The following LRP4 variants were observed in gnomAD, a reference collection of about 807,000 sequenced individuals.
The protein encoded by LRP4 is LDL receptor related protein 4, also known as low-density lipoprotein receptor-related protein 4.
Under a neutral mutation model 220.3 loss-of-function variants are expected in LRP4, and 95 were observed. The ratio of observed to expected loss-of-function variants is 0.43; its 90% CI spans 0.37 to 0.51. The LOEUF (loss-of-function observed/expected upper bound fraction) is 0.51. Among genes scored for constraint, LRP4 ranks in the 20% least tolerant of loss-of-function variants. The pLI, the probability that LRP4 is intolerant of heterozygous loss-of-function variation, is 0.00. For synonymous variants in LRP4, 903 were observed against 954.6 expected (o/e 0.95, Z 1.00); for missense variants, 1,925 against 2,567.0 (o/e 0.75, Z 5.40).
Position 46,890,050 on chromosome 11 carries a change from G to A in LRP4, c.1986C>T (p.Ser662=). The change falls in exon 15 of 38, where the codon AGC becomes AGT. Residue 662 remains serine, a synonymous_variant. Coordinates refer to ENST00000378623, the MANE Select transcript of LRP4 (RefSeq NM_002334.4). This position sits in a 1 kb window ranked among gnomAD's most constrained non-coding sequence, Gnocchi z 5.3. ...CCGTAAATTTGTTAGCGCTATTGAT[G>A]CTCTTGGTGTGCCAGTCTGTCCAGT... is the stretch of plus-strand genomic sequence containing the variant. ...SLYWTDWHTK[S]INSANKFTGK... 6.2e-7 allele frequency: 1 copy of A among 1,614,152 alleles called. No homozygotes were observed. The highest frequency in any genetic ancestry group is 1.1e-5 in the South Asian group (1 of 91,074).
intron 34 of LRP4, among the ~76,000 whole-genome samples, chr11:46,867,183 G>T (rs989826662): frequency 2.0e-5 from 3 of 151,956 alleles, no homozygotes; most frequent in Non-Finnish European, 2.9e-5. Flanking sequence ...AGAACTGTTC[G>T]TGTTTATGCT....
chr11:46,859,778 T>G (rs908848998), intron 37 of LRP4, among the ~76,000 whole-genome samples: 8 of 152,220 alleles, frequency 5.3e-5, no homozygotes, highest in Admixed American at 2.6e-4. Context: ...TGTGGTTTAT[T>G]AATGGGACAT....
chr11:46,910,016 G>A (rs1164053618), intron 1 of LRP4, among the ~76,000 whole-genome samples: 1 of 152,052 alleles, frequency 6.6e-6, no homozygotes, highest in Non-Finnish European at 1.5e-5. Context: ...TTTTATTCCC[G>A]ATTCCTAGAG....
Position 46,864,494 on chromosome 11 carries a change from TGAG to T in LRP4, c.5194_5196del (p.Leu1732del), listed in dbSNP as rs1314969691. On this transcript the variant is annotated inframe_deletion, in exon 36 of 38. Coordinates refer to ENST00000378623, the MANE Select transcript of LRP4 (RefSeq NM_002334.4). The stretch of plus-strand genomic sequence containing the variant: ...ATCACCACCAAAATCAGCAGAATAC[TGAG>T]GAGTCCACCAATGGCGTAGCTGATA... The T allele has an allele frequency of 6.2e-7, 1 of 1,613,958 alleles. No individual in the cohort carries two copies. The highest frequency in any genetic ancestry group is 1.3e-5 in the African/African-American group (1 of 75,042).
chr11:46,876,095 A>G, intron 25 of LRP4, 129 bp from the exon 26 acceptor site: 1 of 990,022 alleles, frequency 1.0e-6, no homozygotes, highest in African/African-American at 1.6e-5. Flanking sequence ...TTGCTTGACA[A>G]AGTACTTTGC....
intron 1 of LRP4, among the ~76,000 whole-genome samples, chr11:46,911,841 CTTTTTTTT>C (rs540593524): frequency 1.7e-5 from 2 of 118,810 alleles, no homozygotes; most frequent in African/African-American, 3.1e-5. Flanking sequence ...TGGGAATCTT[CTTTTTTTT>C]TTTTTTTTTT....
chr11:46,878,926 A>G lies in LRP4; in HGVS notation c.3117T>C (p.Asp1039=). Residue 1039 remains aspartate (D), a synonymous_variant, in exon 22 of 38, where the codon GAT becomes GAC. Transcript: ENST00000378623. ...ACTCACCTGGTGAGCAGGTCTTGCC[A>G]TCAGACAGCAGGTTGATGCCTGTGG... is the stretch of plus-strand genomic sequence containing the variant. The part of the protein sequence containing the change: ...TCPTGINLLS[D]GKTCSPGMNS... 1.2e-6 allele frequency: 2 copies of G among 1,614,210 alleles called. No homozygotes were observed. The highest frequency in any genetic ancestry group is 1.7e-6 in the Non-Finnish European group (2 of 1,180,038).
In LRP4 at chr11:46,868,104, C is replaced by T. The variant is rs907588782; in HGVS notation, c.4962G>A (p.Leu1654=). The part of the protein sequence containing the change: ...DSRPCSLVPG[L]VPPAPRATGM... Reference sequence around the variant, plus strand: ...CAGTAGCCCTAGGAGCTGGTGGTACCAGGCCAGGCACTAGACAAAAAAGAG... The same window carrying T: ...CAGTAGCCCTAGGAGCTGGTGGTACTAGGCCAGGCACTAGACAAAAAAGAG... The change falls in exon 34 of 38, where the codon CTG becomes CTA. Residue 1654 remains leucine (L), a synonymous_variant. Coordinates refer to ENST00000378623, the MANE Select transcript of LRP4 (RefSeq NM_002334.4). The T allele has an allele frequency of 6.2e-7, 1 of 1,614,050 alleles. No homozygotes were observed. Among genetic ancestry groups the T allele is most frequent in the Non-Finnish European group, 8.5e-7 (1 of 1,180,014 alleles).
Position 46,918,229 on chromosome 11 carries a change from G to T in LRP4, c.52+99C>A. 7.8e-7 allele frequency: 1 copy of T among 1,285,620 alleles called. No homozygotes were observed. The highest frequency in any genetic ancestry group is 1.3e-5 in the South Asian group (1 of 76,208). The allele number at this position is 1,285,620 out of a possible 1,614,324, so 79.6% of individuals were successfully genotyped here. A position where few individuals can be genotyped will look rare whatever the true frequency, so the allele number is the denominator to read the frequency against. On this transcript the variant is annotated intron_variant, in intron 1 of 37. Transcript: ENST00000378623. This position sits in a 1 kb window ranked among gnomAD's most constrained non-coding sequence, Gnocchi z 6.0. Reference sequence around the variant, plus strand: ...CAGGGCCACGGCTAGGAGCGAGGGCGAGGGGTCTCAGGCCCCGGCCCGCGC... The same window carrying T: ...CAGGGCCACGGCTAGGAGCGAGGGCTAGGGGTCTCAGGCCCCGGCCCGCGC...
chr11:46,909,972 G>A (rs908568706), intron 1 of LRP4, among the ~76,000 whole-genome samples: 16 of 152,156 alleles, frequency 1.1e-4, no homozygotes, highest in African/African-American at 3.1e-4. Context: ...AAACTGACAC[G>A]CCATGTTTCT....
chr11:46,877,799 A>C (rs1473242931), intron 22 of LRP4, among the ~76,000 whole-genome samples: 2 of 152,162 alleles, frequency 1.3e-5, no homozygotes, highest in Non-Finnish European at 2.9e-5. Flanking sequence ...TCTTATCTAT[A>C]AAATGGGGAC....
At chr11:46,877,645 T>G (rs944642398) in intron 22 of LRP4, among the ~76,000 whole-genome samples, 1 of 151,938 alleles carries the variant, frequency 6.6e-6, no homozygotes, top group Non-Finnish European at 1.5e-5. Context: ...TTTTTGTATT[T>G]TTTTGTAGAG....
In LRP4 at chr11:46,875,049, C is replaced by T. The variant is rs146372809; in HGVS notation, c.3980G>A (p.Arg1327Gln). The change falls in exon 28 of 38, where the codon CGG becomes CAG. Residue 1327 changes from arginine to glutamine, a missense_variant. Physicochemically the swap from Arg to Gln is conservative, Grantham distance 43. Transcript: ENST00000378623. The surrounding 1 kb of genome is among the most constrained non-coding windows in gnomAD (Gnocchi z 4.5). ...GCAGGCACAGGAGAAGCCAGAAGGCCGAGGCAAGCAGAGGTGGGAGCAGCC... is the reference window on the plus strand; with the variant it reads ...GCAGGCACAGGAGAAGCCAGAAGGCTGAGGCAAGCAGAGGTGGGAGCAGCC... ...NGGCSHLCLP[R>Q]PSGFSCACPT... 28 of 1,613,306 alleles carry T rather than the reference C, an allele frequency of 1.7e-5. No individual in the cohort carries two copies. The African/African-American group carries it at 2.5e-4, about 15-fold the overall frequency.
intron 11 of LRP4, 88 bp downstream of exon 11, chr11:46,895,078 C>T: frequency 6.4e-7 from 1 of 1,572,680 alleles, no homozygotes; most frequent in South Asian, 1.1e-5. Context: ...ATCTCTCTAC[C>T]TCTCTGCAAA....
chr11:46,861,649 C>A (rs768188648), intron 37 of LRP4, among the ~76,000 whole-genome samples: 1 of 151,732 alleles, frequency 6.6e-6, no homozygotes, highest in Non-Finnish European at 1.5e-5. Flanking sequence ...CCTCAGCCTC[C>A]TGTGTAGCTG....
intron 25 of LRP4, among the ~76,000 whole-genome samples, 173 bp from the exon 26 acceptor site, chr11:46,876,139 A>C (rs1242374242): frequency 1.3e-5 from 2 of 152,206 alleles, no homozygotes; most frequent in African/African-American, 4.8e-5. Context: ...CAACCTTCAT[A>C]AGGGCCACAA....
chr11:46,870,140 A>G (rs1940822480), intron 31 of LRP4, among the ~76,000 whole-genome samples: 1 of 151,702 alleles, frequency 6.6e-6, no homozygotes, highest in African/African-American at 2.4e-5. Flanking sequence ...GTGGTGGCAC[A>G]TGCCTGTAAT....
At chr11:46,877,933 C>T (rs776761054) in intron 22 of LRP4, among the ~76,000 whole-genome samples, 1 of 151,928 alleles carries the variant, frequency 6.6e-6, no homozygotes, top group East Asian at 1.9e-4. Flanking sequence ...TTTGAAGGAC[C>T]CTTTACCATG....
chr11:46,889,785 G>A (rs1325638885), intron 15 of LRP4, 159 bp downstream of exon 15: 8 of 887,184 alleles, frequency 9.0e-6, no homozygotes, highest in Admixed American at 6.1e-5. Flanking sequence ...GTACTGCCCC[G>A]AATGTCCAGC....
Sources: allele counts gnomAD v4.1 joint callset (sites outside exome capture counted in the v4.1 genomes callset), GRCh38; gene constraint gnomAD v4.1.1; non-coding constraint Gnocchi (gnomAD v3.1); transcripts MANE v1.5; gene names NCBI Gene and HGNC (gene_info 2026-07-23, HGNC 2026-07-21).